KCNMB4: variants seen among roughly 807,000 people sequenced by gnomAD.
The protein encoded by KCNMB4 is potassium calcium-activated channel subfamily M regulatory beta subunit 4, also known as calcium-activated potassium channel subunit beta-4.
Under a neutral mutation model 20.7 loss-of-function variants are expected in KCNMB4, and 3 were observed. The ratio of observed to expected loss-of-function variants is 0.14; its 90% CI spans 0.07 to 0.37. The LOEUF (loss-of-function observed/expected upper bound fraction) is 0.37. KCNMB4 is among the 10% of genes least tolerant of loss of function. The pLI is 1.00. For missense variants in KCNMB4, 168 were observed against 265.9 expected (o/e 0.63, Z 2.56); for synonymous variants, 110 against 113.4 (o/e 0.97, Z 0.19).
intron 2 of KCNMB4, among the ~76,000 whole-genome samples, chr12:70,415,401 G>C (rs1459044804): frequency 1.3e-5 from 2 of 152,166 alleles, no homozygotes; most frequent in Non-Finnish European, 2.9e-5. Context: ...ACAATTTAGT[G>C]GCATTAATTA....
At chr12:70,376,487 C>A (rs545980140) in intron 1 of KCNMB4, among the ~76,000 whole-genome samples, 71 of 152,182 alleles carry the variant, frequency 4.7e-4, no homozygotes, top group African/African-American at 1.6e-3. Flanking sequence ...TAAATGAATT[C>A]AGCAAAGTTG....
At chr12:70,419,850 G>A (rs1386802633) in intron 2 of KCNMB4, among the ~76,000 whole-genome samples, 3 of 152,214 alleles carry the variant, frequency 2.0e-5, no homozygotes, top group Non-Finnish European at 4.4e-5. Flanking sequence ...TATTAATGCT[G>A]TGGTTAGGAA....
chr12:70,424,566 G>A lies in KCNMB4; in HGVS notation c.465-5919G>A, dbSNP rs145846349. 4.7e-3 allele frequency among the ~76,000 whole-genome samples: 721 copies of A among 152,068 alleles called. 9 individuals carry two copies. The highest frequency in any genetic ancestry group is 0.016 in the African/African-American group (669 of 41,476). On this transcript the variant is annotated intron_variant, in intron 2 of 2. Coordinates refer to ENST00000258111, the MANE Select transcript of KCNMB4 (RefSeq NM_014505.6). ...GGAGTTTGAGACCAGCCTGGCCAACGTGACAAAACCTTGTCTCTACTAAAC... is the reference window on the plus strand; with the variant it reads ...GGAGTTTGAGACCAGCCTGGCCAACATGACAAAACCTTGTCTCTACTAAAC...
rs1356228013 is a variant in KCNMB4, at chr12:70,366,692, G to A, written c.-43G>A. The A allele has an allele frequency of 1.4e-6, 2 of 1,399,120 alleles. No individual in the cohort carries two copies. Among genetic ancestry groups the A allele is most frequent in the African/African-American group, 1.5e-5 (1 of 68,388 alleles). 86.7% of individuals were successfully genotyped at this position (1,399,120 alleles called of 1,614,324 possible). On this transcript the variant is annotated 5_prime_UTR_variant, in exon 1 of 3. Transcript: ENST00000258111. Reference sequence around the variant, plus strand: ...CAGTCGGGCTCGGCGCCGGGGGCGGGAGGGGGCGGGGGGAGCACGCCAGCC... The same window carrying A: ...CAGTCGGGCTCGGCGCCGGGGGCGGAAGGGGGCGGGGGGAGCACGCCAGCC...
At chr12:70,417,376 C>T (rs1228046697) in intron 2 of KCNMB4, among the ~76,000 whole-genome samples, 1 of 152,058 alleles carries the variant, frequency 6.6e-6, no homozygotes, top group Non-Finnish European at 1.5e-5. Context: ...ATTGGAGGCT[C>T]CTCAAGGAGG....
chr12:70,421,148 T>C (rs993732717), intron 2 of KCNMB4, among the ~76,000 whole-genome samples: 2 of 152,068 alleles, frequency 1.3e-5, no homozygotes, highest in African/African-American at 4.8e-5. Flanking sequence ...TTGGAAAAGT[T>C]GGACTTGGAC....
chr12:70,392,594 A>G (rs1194885144), intron 1 of KCNMB4, among the ~76,000 whole-genome samples: 2 of 152,230 alleles, frequency 1.3e-5, no homozygotes, highest in African/African-American at 2.4e-5. Flanking sequence ...ATGCCCATCA[A>G]TGATAGACTG....
At chr12:70,381,655 G>A (rs1883788638) in intron 1 of KCNMB4, among the ~76,000 whole-genome samples, 1 of 152,216 alleles carries the variant, frequency 6.6e-6, no homozygotes, top group Non-Finnish European at 1.5e-5. Flanking sequence ...TACAGGAAAT[G>A]TCCAGAATAA....
chr12:70,395,752 A>C (rs1593333373), intron 1 of KCNMB4, among the ~76,000 whole-genome samples: 1 of 152,364 alleles, frequency 6.6e-6, no homozygotes, highest in Non-Finnish European at 1.5e-5. Flanking sequence ...TTTTCAAAGA[A>C]GTTATTTCAT....
At chr12:70,371,408 T>C (rs1057250060) in intron 1 of KCNMB4, among the ~76,000 whole-genome samples, 1 of 152,204 alleles carries the variant, frequency 6.6e-6, no homozygotes, top group Non-Finnish European at 1.5e-5. Flanking sequence ...TCATGTACCC[T>C]GTCCCAGTGC....
At chr12:70,405,900 TAGAA>T (rs1271268232) in intron 2 of KCNMB4, among the ~76,000 whole-genome samples, 4 of 151,416 alleles carry the variant, frequency 2.6e-5, no homozygotes, top group African/African-American at 9.7e-5. Flanking sequence ...CGAAAAGAAA[TAGAA>T]AGAAAATATG....
intron 1 of KCNMB4, among the ~76,000 whole-genome samples, chr12:70,382,249 C>CCTGGCTAACAT (rs1883800112): frequency 1.3e-5 from 2 of 151,234 alleles, no homozygotes; most frequent in Non-Finnish European, 3.0e-5. Flanking sequence ...ATCGAGACCA[C>CCTGGCTAACAT]GGTGAAACCC....
rs942315549 is a variant in KCNMB4 at position 70,432,337 on chromosome 12, T to G, written c.*1684T>G. 2 of 152,240 alleles carry G rather than the reference T, an allele frequency of 1.3e-5. No homozygotes were observed. Among genetic ancestry groups the G allele is most frequent in the African/African-American group, 2.4e-5 (1 of 41,474 alleles). 9.4% of individuals were successfully genotyped at this position (152,240 alleles called of 1,614,324 possible). On this transcript the variant is annotated 3_prime_UTR_variant, in exon 3 of 3. Transcript: ENST00000258111. ...TGTTTTCTTAATCTTAGAATGTGAATAACTGAAAATCATAGTCTGTGGAAA... is the reference window on the plus strand; with the variant it reads ...TGTTTTCTTAATCTTAGAATGTGAAGAACTGAAAATCATAGTCTGTGGAAA...
intron 2 of KCNMB4, among the ~76,000 whole-genome samples, chr12:70,400,883 G>A (rs1868431707): frequency 6.6e-6 from 1 of 152,046 alleles, no homozygotes; most frequent in Admixed American, 6.6e-5. Flanking sequence ...GATGTTCCAG[G>A]GTTACCGCAA....
At chr12:70,382,752 C>G (rs887667969) in intron 1 of KCNMB4, among the ~76,000 whole-genome samples, 8 of 152,152 alleles carry the variant, frequency 5.3e-5, no homozygotes, top group African/African-American at 1.9e-4. Context: ...ACCATCTCTT[C>G]AGTAAAATAC....
chr12:70,375,291 A>C (rs1211409712), intron 1 of KCNMB4, among the ~76,000 whole-genome samples: 1 of 152,048 alleles, frequency 6.6e-6, no homozygotes. Context: ...TGGTTTTCAA[A>C]GTATGGTCAG....
At chr12:70,406,969 G>C (rs1379867774) in intron 2 of KCNMB4, among the ~76,000 whole-genome samples, 1 of 152,164 alleles carries the variant, frequency 6.6e-6, no homozygotes, top group African/African-American at 2.4e-5. Context: ...AAGCAGTTCA[G>C]TTCTCTGGTG....
chr12:70,424,278 T>C (rs1220186989), intron 2 of KCNMB4, among the ~76,000 whole-genome samples: 1 of 152,102 alleles, frequency 6.6e-6, no homozygotes, highest in Non-Finnish European at 1.5e-5. Flanking sequence ...GTTTAGCACT[T>C]GTTGAATCTA....
chr12:70,384,073 CA>C (rs1883843489), intron 1 of KCNMB4, among the ~76,000 whole-genome samples: 1 of 152,024 alleles, frequency 6.6e-6, no homozygotes, highest in African/African-American at 2.4e-5. Context: ...CATCTCAAAA[CA>C]AACAAAAAAC....
Sources: allele counts gnomAD v4.1 joint callset (sites outside exome capture counted in the v4.1 genomes callset), GRCh38; gene constraint gnomAD v4.1.1; transcripts MANE v1.5; gene names NCBI Gene and HGNC (gene_info 2026-07-23, HGNC 2026-07-21).